Variants in ATP8B4 observed in about 807,000 individuals in gnomAD.
The protein encoded by ATP8B4 is probable phospholipid-transporting ATPase IM.
A neutral mutation model predicts 145.6 loss-of-function variants in ATP8B4; 133 were observed. The observed-to-expected ratio is 0.91, with a 90% confidence interval of 0.79 to 1.05. The LOEUF (loss-of-function observed/expected upper bound fraction) is 1.05, where lower values mean the gene tolerates loss of function less well. ATP8B4 is among the 50% of genes least tolerant of loss of function. ATP8B4 has a pLI of 0.00. For synonymous variants in ATP8B4, 507 were observed against 492.9 expected (o/e 1.03, Z -0.38); for missense variants, 1,458 against 1,425.2 (o/e 1.02, Z -0.37).
At position 49,898,239 on chromosome 15, in the gene ATP8B4, C is replaced by T; in HGVS notation, c.2302G>A (p.Glu768Lys). 6.2e-7 allele frequency: 1 copy of T among 1,613,382 alleles called. No homozygotes were observed. Among genetic ancestry groups the T allele is most frequent in the Non-Finnish European group, 8.5e-7 (1 of 1,179,656 alleles). ...INGHSLAHAL[E>K]SDVKNDLLEL... is the part of the protein sequence containing the mutation. ...AGGAGATCATTCTTGACATCACTTTCTAGGGCATGAGCCTGTATGATTAAA... is the reference window on the plus strand; with the variant it reads ...AGGAGATCATTCTTGACATCACTTTTTAGGGCATGAGCCTGTATGATTAAA... Residue 768 changes from glutamate (E) to lysine (K), a missense_variant, in exon 22 of 28, where the codon GAA (glutamate) becomes AAA (lysine). Glu to Lys is a moderately conservative substitution (Grantham distance 56, BLOSUM62 1). Coordinates refer to ENST00000284509, the MANE Select transcript of ATP8B4 (RefSeq NM_024837.4).
At chr15:49,871,095 G>A (rs1474843248) in intron 25 of ATP8B4, among the ~76,000 whole-genome samples, 4 of 152,220 alleles carry the variant, frequency 2.6e-5, no homozygotes, top group Non-Finnish European at 5.9e-5. Flanking sequence ...GGCATCTGGA[G>A]TTAGAAGACC....
intron 25 of ATP8B4, among the ~76,000 whole-genome samples, chr15:49,867,945 CATGGAAACCATTTGCAAA>C (rs1211506404): frequency 3.3e-5 from 5 of 152,222 alleles, no homozygotes; most frequent in African/African-American, 1.2e-4. Context: ...GACTTGGAGA[CATGGAAACCATTTGCAAA>C]AAGATATGAG....
chr15:50,147,183 A>G (rs2044288391), intron 1 of ATP8B4, among the ~76,000 whole-genome samples: 1 of 152,156 alleles, frequency 6.6e-6, no homozygotes, highest in Non-Finnish European at 1.5e-5. Flanking sequence ...GGGGAGGTCA[A>G]GGTGGGCAGA....
intron 6 of ATP8B4, 113 bp downstream of exon 6, chr15:50,038,655 A>G (rs2051024178): frequency 1.3e-6 from 1 of 791,394 alleles, no homozygotes; most frequent in African/African-American, 1.8e-5. Flanking sequence ...TTTTTAATAA[A>G]TTAAAGGGAA....
At chr15:49,938,261 G>A (rs950896020) in intron 14 of ATP8B4, among the ~76,000 whole-genome samples, 3 of 152,086 alleles carry the variant, frequency 2.0e-5, no homozygotes, top group Non-Finnish European at 4.4e-5. Context: ...ACAGTTTCAT[G>A]GTAGGGTCAA....
chr15:49,904,181 C>G, intron 20 of ATP8B4, among the ~76,000 whole-genome samples: 1 of 152,170 alleles, frequency 6.6e-6, no homozygotes, highest in East Asian at 1.9e-4. Flanking sequence ...CAGCCACAGA[C>G]TGCCTCTAGG....
chr15:49,982,171 A>ATTT (rs1318108423), intron 10 of ATP8B4, among the ~76,000 whole-genome samples: 8 of 152,294 alleles, frequency 5.3e-5, no homozygotes, highest in South Asian at 2.1e-4. Flanking sequence ...GAGAAAAGGG[A>ATTT]GGCACACCCA....
chr15:50,026,544 C>A (rs1004987161), intron 6 of ATP8B4, among the ~76,000 whole-genome samples: 1 of 152,100 alleles, frequency 6.6e-6, no homozygotes, highest in Non-Finnish European at 1.5e-5. Context: ...AGAGGGCAGC[C>A]GAGAGCACCT....
chr15:49,927,351 C>G (rs1215073425), intron 16 of ATP8B4, among the ~76,000 whole-genome samples: 1 of 151,964 alleles, frequency 6.6e-6, no homozygotes, highest in Non-Finnish European at 1.5e-5. Context: ...GGATCAGCAG[C>G]AACAGAAGCA....
chr15:49,994,003 G>T (rs933831990), intron 9 of ATP8B4, among the ~76,000 whole-genome samples: 1 of 152,098 alleles, frequency 6.6e-6, no homozygotes, highest in Non-Finnish European at 1.5e-5. Flanking sequence ...CACCTTAAAA[G>T]TAAATTTTGT....
chr15:50,136,271 C>T (rs2044120343), intron 1 of ATP8B4, among the ~76,000 whole-genome samples: 1 of 152,172 alleles, frequency 6.6e-6, no homozygotes, highest in South Asian at 2.1e-4. Context: ...TCAAAGACTT[C>T]AAAGTTCACA....
At chr15:49,963,043 T>C (rs559815921) in intron 13 of ATP8B4, among the ~76,000 whole-genome samples, 116 of 152,058 alleles carry the variant, frequency 7.6e-4, no homozygotes, top group African/African-American at 2.5e-3. Context: ...ATCCAGAATC[T>C]ACAAGGAACT....
At chr15:49,900,630 A>C (rs1566953007) in intron 21 of ATP8B4, among the ~76,000 whole-genome samples, 1 of 152,216 alleles carries the variant, frequency 6.6e-6, no homozygotes, top group Admixed American at 6.5e-5. Flanking sequence ...TGCTATTTAG[A>C]AAAACCACTA....
At chr15:49,951,997 C>T (rs1355133256) in intron 14 of ATP8B4, among the ~76,000 whole-genome samples, 1 of 152,098 alleles carries the variant, frequency 6.6e-6, no homozygotes, top group East Asian at 1.9e-4. Context: ...AAATTCTTTT[C>T]TTTAAGAATG....
At chr15:49,975,612 C>T (rs1443778539) in intron 12 of ATP8B4, among the ~76,000 whole-genome samples, 1 of 152,062 alleles carries the variant, frequency 6.6e-6, no homozygotes, top group Non-Finnish European at 1.5e-5. Flanking sequence ...CCCACGTATA[C>T]AAAGGGCAGA....
At position 50,085,962 on chromosome 15, in the gene ATP8B4, T is replaced by TCA. The variant is rs1567331326; in HGVS notation, c.29-11778_29-11777insTG. On this transcript the variant is annotated intron_variant, in intron 2 of 27. Transcript: ENST00000284509. ...TTATATATGATATATATCATATATATTTATATATGATATATCAAATATATC... is the reference window on the plus strand; with the variant it reads ...TTATATATGATATATATCATATATATCATTATATATGATATATCAAATATATC... 9.0e-5 allele frequency among the ~76,000 whole-genome samples: 5 copies of TCA among 55,274 alleles called. 1 individual carries two copies. Among genetic ancestry groups the TCA allele is most frequent in the African/African-American group, 4.6e-4 (5 of 10,904 alleles). The allele number at this position is 55,274 out of a possible 152,430, so 36.3% of individuals were successfully genotyped here.
intron 10 of ATP8B4, among the ~76,000 whole-genome samples, chr15:49,981,780 C>A (rs1259140385): frequency 6.6e-6 from 1 of 152,130 alleles, no homozygotes; most frequent in Non-Finnish European, 1.5e-5. Flanking sequence ...CCCCAAAATA[C>A]ATCAGCAAGT....
At chr15:50,165,344 C>T (rs1171828977) in intron 1 of ATP8B4, among the ~76,000 whole-genome samples, 2 of 152,188 alleles carry the variant, frequency 1.3e-5, no homozygotes, top group Non-Finnish European at 2.9e-5. Context: ...TGAGCCACCA[C>T]GACCAGCCCC....
intron 6 of ATP8B4, among the ~76,000 whole-genome samples, chr15:50,012,963 T>C (rs1013087083): frequency 5.3e-5 from 8 of 152,174 alleles, no homozygotes; most frequent in Non-Finnish European, 8.8e-5. Flanking sequence ...CTAAGGATCA[T>C]AGCAACAGAA....
Sources: allele counts gnomAD v4.1 joint callset (sites outside exome capture counted in the v4.1 genomes callset), GRCh38; gene constraint gnomAD v4.1.1; transcripts MANE v1.5; gene names NCBI Gene and HGNC (gene_info 2026-07-23, HGNC 2026-07-21).